SNRPB2: variants seen among roughly 807,000 people sequenced by gnomAD.
SNRPB2 encodes the protein small nuclear ribonucleoprotein polypeptide B2, also known as U2 small nuclear ribonucleoprotein B''.
SNRPB2 carries 16 observed loss-of-function variants against 26.3 expected under a neutral mutation model. The observed-to-expected ratio is 0.61, with a 90% CI of 0.41 to 0.92. The LOEUF is 0.92. Among genes scored for constraint, SNRPB2 ranks in the 40% least tolerant of loss-of-function variants. The pLI, the probability that SNRPB2 is intolerant of heterozygous loss-of-function variation, is 0.00. For synonymous variants in SNRPB2, 75 were observed against 89.0 expected, an observed-to-expected ratio of 0.84 and a Z score of 0.88; for missense variants, 179 against 268.1, an observed-to-expected ratio of 0.67 and a Z score of 2.32.
chr20:16,734,105 G>A (rs1269253514), intron 3 of SNRPB2, among the ~76,000 whole-genome samples: 1 of 152,188 alleles, frequency 6.6e-6, no homozygotes, highest in East Asian at 1.9e-4. Flanking sequence ...GTTTGCATGT[G>A]TCTGTTACTC....
intron 3 of SNRPB2, among the ~76,000 whole-genome samples, chr20:16,736,590 C>T (rs2072427482): frequency 1.3e-5 from 2 of 152,162 alleles, no homozygotes; most frequent in African/African-American, 2.4e-5. Flanking sequence ...CTCTGCCAAA[C>T]CAGCCCTAGT....
intron 3 of SNRPB2, among the ~76,000 whole-genome samples, chr20:16,736,004 T>C (rs1024210562): frequency 1.4e-4 from 22 of 152,248 alleles, no homozygotes; most frequent in African/African-American, 5.3e-4. Context: ...ATTTTTGTTG[T>C]TGTTGTTTTT....
chr20:16,733,533 C>G (rs2072406495), intron 3 of SNRPB2, among the ~76,000 whole-genome samples: 1 of 152,188 alleles, frequency 6.6e-6, no homozygotes, highest in Non-Finnish European at 1.5e-5. Context: ...ACTAATCTAA[C>G]AGCTAGTATT....
chr20:16,739,014 A>G, intron 5 of SNRPB2, 112 bp downstream of exon 5: 2 of 714,366 alleles, frequency 2.8e-6, no homozygotes, highest in Non-Finnish European at 5.0e-6. Context: ...TCTACAAGAC[A>G]CAGTGCGTTA....
chr20:16,737,311 A>G lies in SNRPB2; in HGVS notation c.288A>G (p.Gly96=). 1 of 1,607,174 alleles carries G rather than the reference A, an allele frequency of 6.2e-7. No individual in the cohort carries two copies. Among genetic ancestry groups the G allele is most frequent in the South Asian group, 1.1e-5 (1 of 88,966 alleles). The stretch of plus-strand genomic sequence containing the variant: ...CGGATATAATATCAAAAATGCGTGG[A>G]ACTTTTGCTGACAAAGAAAAGAAAA... ...TDSDIISKMR[G]TFADKEKKKE... is the part of the protein sequence containing the mutation. The change falls in exon 4 of 7, where the codon GGA becomes GGG. Residue 96 remains glycine (G), a synonymous_variant. Coordinates refer to ENST00000246071, the MANE Select transcript of SNRPB2 (RefSeq NM_003092.5).
chr20:16,738,269 C>A (rs181162251), intron 4 of SNRPB2, among the ~76,000 whole-genome samples: 3 of 151,404 alleles, frequency 2.0e-5, no homozygotes, highest in African/African-American at 7.3e-5. Context: ...GGTGATACCC[C>A]GTCTCTACTA....
At chr20:16,740,505 T>C in intron 6 of SNRPB2, 92 bp downstream of exon 6, 1 of 1,541,016 alleles carries the variant, frequency 6.5e-7, no homozygotes, top group Non-Finnish European at 8.7e-7. Context: ...CACACAGCAG[T>C]AATTCCTTAC....
intron 6 of SNRPB2, among the ~76,000 whole-genome samples, 188 bp from the exon 7 acceptor site, chr20:16,740,658 A>C (rs2072457240): frequency 6.6e-6 from 1 of 152,200 alleles, no homozygotes; most frequent in Non-Finnish European, 1.5e-5. Context: ...TATAAAATAG[A>C]ATTAGTTTAT....
chr20:16,737,029 AAT>A (rs569164584), intron 3 of SNRPB2, among the ~76,000 whole-genome samples: 15 of 152,152 alleles, frequency 9.9e-5, no homozygotes, highest in Non-Finnish European at 2.1e-4. Flanking sequence ...CTCACATGAA[AAT>A]ATATGTTTTT....
chr20:16,739,256 GCTCT>G (rs990591845), intron 5 of SNRPB2, among the ~76,000 whole-genome samples: 1 of 152,128 alleles, frequency 6.6e-6, no homozygotes, highest in African/African-American at 2.4e-5. Context: ...AGGGTCAGGG[GCTCT>G]CTTCCATTCC....
At chr20:16,731,518 G>T in intron 1 of SNRPB2, 150 bp from the exon 2 acceptor site, 1 of 659,274 alleles carries the variant, frequency 1.5e-6, no homozygotes. Flanking sequence ...GAAAAGGAGG[G>T]CTAGTAGGTG....
chr20:16,732,761 G>A (rs145886486), intron 3 of SNRPB2, among the ~76,000 whole-genome samples: 21 of 152,336 alleles, frequency 1.4e-4, no homozygotes, highest in African/African-American at 4.3e-4. Flanking sequence ...AGATGAAACA[G>A]TGATCTAAGG....
At chr20:16,732,790 C>T (rs2072401176) in intron 3 of SNRPB2, among the ~76,000 whole-genome samples, 1 of 152,110 alleles carries the variant, frequency 6.6e-6, no homozygotes, top group Admixed American at 6.5e-5. Context: ...TAGGTTTAAA[C>T]TCATAGGTTT....
rs747858296 is a variant in SNRPB2, at chr20:16,731,745, A to C, written c.43A>C (p.Asn15His). The change falls in exon 2 of 7, where the codon AAT becomes CAT. Residue 15 changes from asparagine (N) to histidine (H), a missense_variant. Transcript: ENST00000246071. ...PNHTIYINNM[N>H]DKIKKEELKR... ...TCATACAATTTATATCAACAATATG[A>C]ATGACAAAATTAAAAAGGAAGGTAA... 1.2e-6 allele frequency: 2 copies of C among 1,612,424 alleles called. No individual in the cohort carries two copies. Among genetic ancestry groups the C allele is most frequent in the South Asian group, 2.2e-5 (2 of 91,010 alleles).
chr20:16,732,100 A>G, intron 2 of SNRPB2, 64 bp from the exon 3 acceptor site: 1 of 996,626 alleles, frequency 1.0e-6, no homozygotes, highest in Admixed American at 2.5e-5. Context: ...ATGCAGTATC[A>G]TTTTATGAAG....
rs1430132915 is a variant in SNRPB2, at chr20:16,737,395, T to C, written c.372T>C (p.Pro124=). ...EQTATTTNKK[P]GQGTPNSANT... Reference sequence around the variant, plus strand: ...CTGCAACAACCACAAACAAAAAGCCTGGCCAGGTAAGAAAGACCAAGAAAG... The same window carrying C: ...CTGCAACAACCACAAACAAAAAGCCCGGCCAGGTAAGAAAGACCAAGAAAG... The change falls in exon 4 of 7, where the codon CCT becomes CCC. Residue 124 remains proline, a synonymous_variant. Transcript: ENST00000246071. 4 of 1,580,138 alleles carry C rather than the reference T, an allele frequency of 2.5e-6. No homozygotes were observed. In the East Asian group the frequency reaches 8.9e-5, roughly 35 times the overall value.
intron 4 of SNRPB2, 113 bp downstream of exon 4, chr20:16,737,514 G>GT (rs2072434539): frequency 5.4e-6 from 5 of 928,890 alleles, no homozygotes; most frequent in Non-Finnish European, 7.6e-6. Context: ...ATAAATGTGT[G>GT]TTTAAAAGGT....
At position 16,737,386 on chromosome 20, in the gene SNRPB2, C is replaced by G; in HGVS notation, c.363C>G (p.Asn121Lys). 1 of 1,584,856 alleles carries G rather than the reference C, an allele frequency of 6.3e-7. No homozygotes were observed. Among genetic ancestry groups the G allele is most frequent in the Non-Finnish European group, 8.5e-7 (1 of 1,172,802 alleles). The change falls in exon 4 of 7, where the codon AAC becomes AAG. Residue 121 changes from asparagine (N) to lysine (K), a missense_variant. By Grantham distance (94) the Asn-to-Lys change is moderately conservative (BLOSUM62 0). Coordinates refer to ENST00000246071, the MANE Select transcript of SNRPB2 (RefSeq NM_003092.5). ...KTVEQTATTT[N>K]KKPGQGTPNS... ...TGGAACAGACTGCAACAACCACAAA[C>G]AAAAAGCCTGGCCAGGTAAGAAAGA...
Position 16,732,326 on chromosome 20 carries a change from G to A in SNRPB2, c.227G>A (p.Gly76Asp), listed in dbSNP as rs1326326275. ...LRQLQGFPFYGKPMRIQYAKT... is the reference protein window; with the variant it reads ...LRQLQGFPFYDKPMRIQYAKT... Reference sequence around the variant, plus strand: ...CAGCTACAAGGATTTCCATTTTATGGTAAACCAATGGTAAGCCAATTCCAT... The same window carrying A: ...CAGCTACAAGGATTTCCATTTTATGATAAACCAATGGTAAGCCAATTCCAT... Residue 76 changes from glycine (G) to aspartate (D), a missense_variant, in exon 3 of 7, where the codon GGT (glycine) becomes GAT (aspartate). Coordinates refer to ENST00000246071, the MANE Select transcript of SNRPB2 (RefSeq NM_003092.5). 6.4e-6 allele frequency: 10 copies of A among 1,556,420 alleles called. No individual in the cohort carries two copies. Among genetic ancestry groups the A allele is most frequent in the Non-Finnish European group, 7.8e-6 (9 of 1,148,382 alleles).
Sources: gnomAD v4.1 joint callset for allele counts (sites outside exome capture counted in the v4.1 genomes callset) on GRCh38, gnomAD v4.1.1 for gene constraint, MANE v1.5 for transcripts, NCBI Gene and HGNC (gene_info 2026-07-23, HGNC 2026-07-21) for gene names.